Variants in U2SURP observed in about 807,000 individuals in gnomAD.
U2SURP encodes the protein U2 snRNP-associated SURP motif-containing protein.
A neutral mutation model predicts 144.9 loss-of-function variants in U2SURP; 9 were observed. The observed-to-expected ratio is 0.06, with a 90% CI of 0.04 to 0.11. U2SURP has a LOEUF of 0.11. U2SURP is among the 10% of genes least tolerant of loss of function. The probability of loss-of-function intolerance (pLI) is 1.00; values close to 1 mark genes in which losing one functional copy is unlikely to be tolerated. For synonymous variants in U2SURP, 408 were observed against 396.8 expected (o/e 1.03, Z -0.33); for missense variants, 724 against 1,226.7 (o/e 0.59, Z 6.12).
chr3:143,010,691 AGTTTTAT>A (rs2108271474), intron 1 of U2SURP, 117 bp from the exon 2 acceptor site: 1 of 540,834 alleles, frequency 1.8e-6, no homozygotes, highest in African/African-American at 1.9e-5. Context: ...GCCTTTGCTC[AGTTTTAT>A]TAGCTGAGGA....
intron 18 of U2SURP, chr3:143,034,509 A>G (rs1384563152): frequency 1.3e-5 from 2 of 154,354 alleles, no homozygotes; most frequent in African/African-American, 2.4e-5. Flanking sequence ...TGCTCTGAAA[A>G]GAAATTTAGA....
intron 8 of U2SURP, among the ~76,000 whole-genome samples, chr3:143,020,990 G>A (rs536912509): frequency 1.8e-4 from 28 of 152,280 alleles, no homozygotes; most frequent in Admixed American, 3.9e-4. Flanking sequence ...TCAGGAGTTC[G>A]AGACCAGCCT....
rs201707545 is a variant in U2SURP, at chr3:143,027,099, A to G, written c.1275-50A>G. On this transcript the variant is annotated intron_variant, in intron 13 of 27. Coordinates refer to ENST00000473835, the MANE Select transcript of U2SURP (RefSeq NM_001080415.2). ...AGTAACTTAGGTCAAGTGTAGTTTTATATAGTGGTAGGTCTGAATCCATTT... is the reference window on the plus strand; with the variant it reads ...AGTAACTTAGGTCAAGTGTAGTTTTGTATAGTGGTAGGTCTGAATCCATTT... The G allele has an allele frequency of 1.6e-5, 22 of 1,362,470 alleles. 1 individual carries two copies. Among genetic ancestry groups the G allele is most frequent in the Middle Eastern group, 1.8e-4 (1 of 5,512 alleles). The allele number at this position is 1,362,470 out of a possible 1,614,324, so 84.4% of individuals were successfully genotyped here.
intron 1 of U2SURP, among the ~76,000 whole-genome samples, chr3:143,008,423 T>G (rs1010719208): frequency 1.3e-5 from 2 of 152,276 alleles, no homozygotes; most frequent in Non-Finnish European, 2.9e-5. Context: ...TTATTCTTTC[T>G]GGGTGAACTT....
chr3:143,017,329 G>T (rs983998826), intron 6 of U2SURP: 21 of 163,750 alleles, frequency 1.3e-4, no homozygotes, highest in African/African-American at 4.3e-4. Context: ...TTATTAGTAT[G>T]TGTAGTGTAT....
At position 143,058,870 on chromosome 3, in the gene U2SURP, CACTT is replaced by C. The variant is rs1201194327; in HGVS notation, c.*2424_*2427del. On this transcript the variant is annotated 3_prime_UTR_variant, in exon 28 of 28. Coordinates refer to ENST00000473835, the MANE Select transcript of U2SURP (RefSeq NM_001080415.2). ...GGAAAGATCATGTTCTATCTGTGGA[CACTT>C]ACTGTCCTCTACCACAGCTACGTGC... 8.6e-5 allele frequency: 13 copies of C among 152,014 alleles called. No homozygotes were observed. The highest frequency in any genetic ancestry group is 1.3e-4 in the Admixed American group (2 of 15,256). 9.4% of individuals were successfully genotyped at this position (152,014 alleles called of 1,614,324 possible). A position where few individuals can be genotyped will look rare whatever the true frequency, so the allele number is the denominator to read the frequency against.
chr3:143,042,655 C>T (rs1180815029), intron 23 of U2SURP, among the ~76,000 whole-genome samples: 1 of 152,024 alleles, frequency 6.6e-6, no homozygotes, highest in Non-Finnish European at 1.5e-5. Context: ...GCCTTTACAT[C>T]CTTATAGCTT....
At chr3:143,016,008 A>G (rs1936357425) in intron 4 of U2SURP, among the ~76,000 whole-genome samples, 1 of 152,150 alleles carries the variant, frequency 6.6e-6, no homozygotes. Context: ...GTCTCTAGAC[A>G]AATTTACTAA....
At chr3:143,053,968 C>T (rs1935017957) in intron 26 of U2SURP, among the ~76,000 whole-genome samples, 174 bp downstream of exon 26, 1 of 152,204 alleles carries the variant, frequency 6.6e-6, no homozygotes, top group Non-Finnish European at 1.5e-5. Flanking sequence ...TTAGTTGGCA[C>T]TTGACTTAGT....
In U2SURP at chr3:143,023,081, A is replaced by T. The variant is rs1458608570; in HGVS notation, c.1230+17A>T. 6.4e-7 allele frequency: 1 copy of T among 1,563,520 alleles called. No homozygotes were observed. Among genetic ancestry groups the T allele is most frequent in the African/African-American group, 1.4e-5 (1 of 73,446 alleles). On this transcript the variant is annotated intron_variant, in intron 12 of 27. Coordinates refer to ENST00000473835, the MANE Select transcript of U2SURP (RefSeq NM_001080415.2). ...TTTGAGAAGGTAATTTAAAAAATGG[A>T]CATAAGGCCGCATCTAATTTGTAAA...
At chr3:143,001,785 C>G (rs550425430) in intron 1 of U2SURP, 112 bp downstream of exon 1, 3 of 1,408,010 alleles carry the variant, frequency 2.1e-6, no homozygotes, top group Admixed American at 2.1e-5. Context: ...ATTCTAGTCG[C>G]GACGGTAGGC....
intron 24 of U2SURP, among the ~76,000 whole-genome samples, chr3:143,048,857 G>C (rs1934684900): frequency 6.6e-6 from 1 of 152,050 alleles, no homozygotes; most frequent in South Asian, 2.1e-4. Context: ...GTGACAGCGT[G>C]AGACACCGTC....
At chr3:143,003,880 C>T (rs1318021451) in intron 1 of U2SURP, among the ~76,000 whole-genome samples, 2 of 151,782 alleles carry the variant, frequency 1.3e-5, no homozygotes, top group Non-Finnish European at 2.9e-5. Flanking sequence ...TTAGTAGAGA[C>T]GGGGTTTCAC....
intron 14 of U2SURP, 33 bp from the exon 15 acceptor site, chr3:143,028,307 A>G: frequency 6.3e-7 from 1 of 1,580,342 alleles, no homozygotes; most frequent in Non-Finnish European, 8.6e-7. Flanking sequence ...TTGTTAAAGA[A>G]TATGATGTTT....
chr3:143,027,774 AAGAC>A (rs1427721800), intron 14 of U2SURP, among the ~76,000 whole-genome samples: 1 of 152,174 alleles, frequency 6.6e-6, no homozygotes, highest in African/African-American at 2.4e-5. Flanking sequence ...ACGGGATGGG[AAGAC>A]AGTTTTAGTA....
intron 14 of U2SURP, 29 bp from the exon 15 acceptor site, chr3:143,028,308 TATG>T (rs1299859088): frequency 2.5e-6 from 4 of 1,581,692 alleles, no homozygotes; most frequent in South Asian, 1.1e-5. Flanking sequence ...TGTTAAAGAA[TATG>T]ATGTTTAATG....
At chr3:143,040,176 T>A (rs1934032171) in intron 23 of U2SURP, among the ~76,000 whole-genome samples, 1 of 151,836 alleles carries the variant, frequency 6.6e-6, no homozygotes, top group Non-Finnish European at 1.5e-5. Flanking sequence ...CTGAAAAAAG[T>A]ATTGTTCTAT....
rs1037261385 is a variant in U2SURP, at chr3:143,058,181, C to T, written c.*1731C>T. 15 of 152,390 alleles carry T rather than the reference C, an allele frequency of 9.8e-5. No individual in the cohort carries two copies. The highest frequency in any genetic ancestry group is 3.4e-4 in the African/African-American group (14 of 41,538). 9.4% of individuals were successfully genotyped at this position (152,390 alleles called of 1,614,324 possible). A position where few individuals can be genotyped will look rare whatever the true frequency, so the allele number is the denominator to read the frequency against. On this transcript the variant is annotated 3_prime_UTR_variant, in exon 28 of 28. Transcript: ENST00000473835. ...GGGAGAATGGAATTTTATATAACTA[C>T]CTTTCTTTGCAAAAATAACGGTCGT...
rs909205463 is a variant in U2SURP at position 143,023,980 on chromosome 3, G to A, written c.1236G>A (p.Leu412=). 6.2e-7 allele frequency: 1 copy of A among 1,612,922 alleles called. No individual in the cohort carries two copies. The highest frequency in any genetic ancestry group is 8.5e-7 in the Non-Finnish European group (1 of 1,179,294). The change falls in exon 13 of 28, where the codon CTG becomes CTA. Residue 412 remains leucine, a synonymous_variant. Coordinates refer to ENST00000473835, the MANE Select transcript of U2SURP (RefSeq NM_001080415.2). ...PKNKEDFEKT[L]SQAIVKVVIP... is the part of the protein sequence containing the mutation. ...TGATGTGACTTCATATACAGACTCT[G>A]TCGCAAGCCATAGTCAAAGTGGTTA...
Sources: allele counts gnomAD v4.1 joint callset (sites outside exome capture counted in the v4.1 genomes callset), GRCh38; gene constraint gnomAD v4.1.1; transcripts MANE v1.5; gene names NCBI Gene and HGNC (gene_info 2026-07-23, HGNC 2026-07-21).